FOCAD: variants seen among roughly 807,000 people sequenced by gnomAD.
The protein encoded by FOCAD is focadhesin.
Under a neutral mutation model 225.6 loss-of-function variants are expected in FOCAD, and 198 were observed. The ratio of observed to expected loss-of-function variants is 0.88; its 90% CI spans 0.78 to 0.99. The LOEUF (loss-of-function observed/expected upper bound fraction) is 0.99. FOCAD is among the 50% of genes least tolerant of loss of function. The pLI is 0.00. For synonymous variants in FOCAD, 897 were observed against 755.0 expected, an observed-to-expected ratio of 1.19 and a Z score of -3.08; for missense variants, 2,713 against 2,123.6, an observed-to-expected ratio of 1.28 and a Z score of -5.46.
intron 35 of FOCAD, among the ~76,000 whole-genome samples, chr9:20,954,612 C>T (rs914885806): frequency 6.6e-5 from 10 of 152,262 alleles, no homozygotes; most frequent in Non-Finnish European, 4.4e-5. Flanking sequence ...CATCATACAA[C>T]AGGAAATGTT....
intron 1 of FOCAD, among the ~76,000 whole-genome samples, chr9:20,698,787 C>G (rs1418586079): frequency 6.6e-6 from 1 of 152,184 alleles, no homozygotes; most frequent in African/African-American, 2.4e-5. Flanking sequence ...TTTTCAATTA[C>G]TGATCAATAT....
intron 21 of FOCAD, among the ~76,000 whole-genome samples, chr9:20,889,223 A>G (rs62560511): frequency 0.2 from 30,201 of 152,164 alleles, 3,636 homozygotes; most frequent in South Asian, 0.33. Context: ...AAATACCATC[A>G]TACAATACAT....
upstream of FOCAD, among the ~76,000 whole-genome samples, chr9:20,679,378 T>C (rs1822332349): frequency 6.6e-6 from 1 of 152,154 alleles, no homozygotes; most frequent in Non-Finnish European, 1.5e-5. Flanking sequence ...TCTTCGTGCC[T>C]GATGATGAAT....
At chr9:20,754,983 T>G (rs1357081208) in intron 5 of FOCAD, among the ~76,000 whole-genome samples, 2 of 152,214 alleles carry the variant, frequency 1.3e-5, no homozygotes, top group Non-Finnish European at 2.9e-5. Flanking sequence ...AATTTAGCTG[T>G]TTGCTTCATT....
rs1412074221 is a variant in FOCAD at position 20,872,668 on chromosome 9, C to G, written c.2191-2013C>G. On this transcript the variant is annotated intron_variant, in intron 18 of 43. Transcript: ENST00000338382. ...TTGCTTGCTTTATTGACATATGATTCATATACTGTACAACTTACCCTTTAA... is the reference window on the plus strand; with the variant it reads ...TTGCTTGCTTTATTGACATATGATTGATATACTGTACAACTTACCCTTTAA... The G allele has an allele frequency of 3.3e-5, 5 of 151,600 alleles. No individual in the cohort carries two copies. In the East Asian group the frequency reaches 9.7e-4, roughly 29 times the overall value. The allele number at this position is 151,600 out of a possible 1,614,324, so 9.4% of individuals were successfully genotyped here.
At chr9:20,757,186 C>T (rs1386350870) in intron 5 of FOCAD, among the ~76,000 whole-genome samples, 1 of 152,210 alleles carries the variant, frequency 6.6e-6, no homozygotes, top group Non-Finnish European at 1.5e-5. Flanking sequence ...ATCTTGGCCT[C>T]CCAAAGTGCT....
At position 20,981,638 on chromosome 9, in the gene FOCAD, C is replaced by G. The variant is rs752255528; in HGVS notation, c.4590C>G (p.Leu1530=). ...PSPAHHLWSL[L]SEATGKIFDL... ...CTGCCCACCACCTCTGGAGTCTGCT[C>G]TCTGAAGCTACTGGGAAAATTTTTG... Residue 1530 remains leucine (L), a synonymous_variant, in exon 38 of 44, where the codon CTC becomes CTG. Transcript: ENST00000338382. 2.5e-6 allele frequency: 4 copies of G among 1,613,192 alleles called. No individual in the cohort carries two copies. The highest frequency in any genetic ancestry group is 3.3e-5 in the Admixed American group (2 of 59,838).
intron 5 of FOCAD, among the ~76,000 whole-genome samples, chr9:20,746,929 G>T (rs1483629315): frequency 1.3e-5 from 2 of 152,066 alleles, no homozygotes; most frequent in Non-Finnish European, 2.9e-5. Context: ...TATAAATGAC[G>T]CTGTGTCCTT....
chr9:20,789,560 C>G lies in FOCAD; in HGVS notation c.1407C>G (p.His469Gln), dbSNP rs752793923. ...TTGAAGACAAAGGACAAAATCTTCA[C>G]CAAATACTCAAGGTCACTACAGAAT... Reference protein sequence around the residue: ...LLVEDKGQNLHQILKVTTELA... With the variant: ...LLVEDKGQNLQQILKVTTELA... The change falls in exon 11 of 44, where the codon CAC becomes CAG. Residue 469 changes from histidine to glutamine, a missense_variant. Physicochemically the swap from His to Gln is conservative, Grantham distance 24. Transcript: ENST00000338382. 1 of 1,613,972 alleles carries G rather than the reference C, an allele frequency of 6.2e-7. No homozygotes were observed.
In FOCAD at chr9:20,789,477, C is replaced by A. The variant is rs571475723; in HGVS notation, c.1324C>A (p.Leu442Ile). Residue 442 changes from leucine to isoleucine, a missense_variant, in exon 11 of 44, where the codon CTT becomes ATT. Physicochemically the swap from Leu to Ile is conservative, Grantham distance 5. Transcript: ENST00000338382. ...SDWLASVESL[L>I]PITAVIPAPA... ...CTGGTTGGCTTCAGTAGAGTCATTGCTTCCTATTACTGCTGTGATCCCTGC... is the reference window on the plus strand; with the variant it reads ...CTGGTTGGCTTCAGTAGAGTCATTGATTCCTATTACTGCTGTGATCCCTGC... 1 of 1,613,970 alleles carries A rather than the reference C, an allele frequency of 6.2e-7. No individual in the cohort carries two copies. Among genetic ancestry groups the A allele is most frequent in the East Asian group, 2.2e-5 (1 of 44,864 alleles).
chr9:20,754,721 C>A (rs1022486998), intron 5 of FOCAD, among the ~76,000 whole-genome samples: 4 of 151,984 alleles, frequency 2.6e-5, no homozygotes, highest in South Asian at 2.1e-4. Flanking sequence ...TAGGAGAAAT[C>A]CTACTTGTAT....
chr9:20,976,628 A>G (rs1587765480), intron 36 of FOCAD, 80 bp downstream of exon 36: 2 of 1,433,248 alleles, frequency 1.4e-6, no homozygotes, highest in East Asian at 2.3e-5. Context: ...CTGTGTCACA[A>G]TGTGTAGTGA....
At chr9:20,743,451 A>G (rs757392823) in intron 5 of FOCAD, among the ~76,000 whole-genome samples, 4 of 152,328 alleles carry the variant, frequency 2.6e-5, no homozygotes, top group South Asian at 2.1e-4. Context: ...GTCATCTTAA[A>G]TGGTCTGTGC....
intron 11 of FOCAD, among the ~76,000 whole-genome samples, chr9:20,793,344 G>C (rs899459504): frequency 6.6e-6 from 1 of 152,164 alleles, no homozygotes; most frequent in African/African-American, 2.4e-5. Context: ...ATATCTGTAG[G>C]ATAAAAAGCT....
chr9:20,874,261 A>T, intron 18 of FOCAD: 1 of 161,324 alleles, frequency 6.2e-6, no homozygotes, highest in South Asian at 1.9e-4. Flanking sequence ...TCATGGACAT[A>T]TGACTAGAAT....
intron 24 of FOCAD, among the ~76,000 whole-genome samples, chr9:20,921,427 T>A (rs1834421603): frequency 6.6e-6 from 1 of 152,228 alleles, no homozygotes; most frequent in African/African-American, 2.4e-5. Flanking sequence ...GGATAGTTAT[T>A]TGAGCAACAA....
intron 3 of FOCAD, among the ~76,000 whole-genome samples, 159 bp from the exon 4 acceptor site, chr9:20,720,221 A>G (rs549204530): frequency 1.3e-5 from 2 of 152,062 alleles, no homozygotes; most frequent in Non-Finnish European, 2.9e-5. Flanking sequence ...TGGAAAATTG[A>G]CTTCATTTTA....
At chr9:20,798,403 A>T in intron 11 of FOCAD, among the ~76,000 whole-genome samples, 1 of 151,990 alleles carries the variant, frequency 6.6e-6, no homozygotes, top group Non-Finnish European at 1.5e-5. Flanking sequence ...TATTGATTGG[A>T]ATAGTTTCAG....
intron 5 of FOCAD, among the ~76,000 whole-genome samples, chr9:20,753,103 A>C (rs935953282): frequency 7.2e-5 from 11 of 152,194 alleles, no homozygotes; most frequent in African/African-American, 2.7e-4. Context: ...TGTTGTCTGC[A>C]AACAGGGACA....
Sources: allele counts gnomAD v4.1 joint callset (sites outside exome capture counted in the v4.1 genomes callset), GRCh38; gene constraint gnomAD v4.1.1; transcripts MANE v1.5; gene names NCBI Gene and HGNC (gene_info 2026-07-23, HGNC 2026-07-21).